The following BMPER variants were observed in gnomAD, a reference collection of about 807,000 sequenced individuals.
BMPER encodes BMP-binding endothelial regulator protein.
BMPER carries 45 observed loss-of-function variants against 87.3 expected under a neutral mutation model. That is an observed-to-expected ratio of 0.52 (90% CI 0.41 to 0.66). The LOEUF (loss-of-function observed/expected upper bound fraction) is 0.66, where lower values mean the gene tolerates loss of function less well. BMPER is among the 30% of genes least tolerant of loss of function. The probability of loss-of-function intolerance (pLI) is 0.00; values close to 1 mark genes in which losing one functional copy is unlikely to be tolerated. For synonymous variants in BMPER, 326 were observed against 316.2 expected (o/e 1.03, Z -0.33); for missense variants, 784 against 867.5 (o/e 0.90, Z 1.21).
At chr7:33,956,141 G>A (rs569725391) in intron 3 of BMPER, among the ~76,000 whole-genome samples, 38 of 152,226 alleles carry the variant, frequency 2.5e-4, no homozygotes, top group African/African-American at 8.2e-4. Flanking sequence ...CGTAGAAAAC[G>A]TATGTAGGAG....
In BMPER at chr7:33,940,630, A is replaced by C. The variant is rs537165904; in HGVS notation, c.319+3242A>C. Reference sequence around the variant, plus strand: ...AGATCAGTGGGTAGCAGAAATTCTGAGACAGCAGTAGCAGCTGCATTTCTG... The same window carrying C: ...AGATCAGTGGGTAGCAGAAATTCTGCGACAGCAGTAGCAGCTGCATTTCTG... On this transcript the variant is annotated intron_variant, in intron 3 of 14. Transcript: ENST00000649409. Among the ~76,000 whole-genome samples, 4 of 152,226 alleles carry C rather than the reference A, an allele frequency of 2.6e-5. No individual in the cohort carries two copies. The East Asian group carries it at 7.7e-4, about 29-fold the overall frequency.
At chr7:34,141,481 G>C (rs137987054) in intron 13 of BMPER, among the ~76,000 whole-genome samples, 1 of 151,804 alleles carries the variant, frequency 6.6e-6, no homozygotes, top group Non-Finnish European at 1.5e-5. Flanking sequence ...CATGGTGGTG[G>C]GCACCTGAAT....
chr7:34,140,195 C>T (rs1432485182), intron 13 of BMPER, among the ~76,000 whole-genome samples: 1 of 152,220 alleles, frequency 6.6e-6, no homozygotes, highest in Non-Finnish European at 1.5e-5. Flanking sequence ...ATCTCTGCCT[C>T]ATAGCCCATT....
intron 6 of BMPER, among the ~76,000 whole-genome samples, chr7:34,035,628 C>A (rs959917678): frequency 6.6e-6 from 1 of 152,146 alleles, no homozygotes; most frequent in Non-Finnish European, 1.5e-5. Flanking sequence ...GGAGCACAAA[C>A]ATTTTTGAGT....
At chr7:34,084,404 G>C (rs1039786229) in intron 12 of BMPER, among the ~76,000 whole-genome samples, 5 of 152,144 alleles carry the variant, frequency 3.3e-5, no homozygotes, top group African/African-American at 1.2e-4. Context: ...GACAGAGAGT[G>C]AATTAGGAGA....
At chr7:34,009,275 A>T (rs531408198) in intron 6 of BMPER, among the ~76,000 whole-genome samples, 2 of 152,092 alleles carry the variant, frequency 1.3e-5, no homozygotes, top group South Asian at 2.1e-4. Flanking sequence ...TTATTATTAT[A>T]CTTTTTCTTG....
At chr7:34,145,088 T>C (rs987682066) in intron 14 of BMPER, among the ~76,000 whole-genome samples, 5 of 152,204 alleles carry the variant, frequency 3.3e-5, no homozygotes, top group Admixed American at 1.3e-4. Context: ...GCCTGTGCCC[T>C]ATGCCCTGAT....
intron 3 of BMPER, among the ~76,000 whole-genome samples, chr7:33,945,371 C>A (rs1236498394): frequency 6.6e-6 from 1 of 151,716 alleles, no homozygotes; most frequent in African/African-American, 2.4e-5. Flanking sequence ...TTGCCTCAGC[C>A]TCCTAAGCAG....
At chr7:33,966,710 T>A in intron 4 of BMPER, 149 bp downstream of exon 4, 1 of 734,140 alleles carries the variant, frequency 1.4e-6, no homozygotes, top group South Asian at 1.5e-5. Context: ...TGTGTGTACT[T>A]ACTGTGTCAC....
At chr7:33,983,839 G>A (rs1345094946) in intron 6 of BMPER, among the ~76,000 whole-genome samples, 1 of 152,096 alleles carries the variant, frequency 6.6e-6, no homozygotes, top group Non-Finnish European at 1.5e-5. Context: ...AGAAATAATG[G>A]TAATGCAAGC....
intron 10 of BMPER, among the ~76,000 whole-genome samples, chr7:34,060,261 A>C (rs1431051407): frequency 6.6e-6 from 1 of 151,476 alleles, no homozygotes; most frequent in Admixed American, 6.6e-5. Flanking sequence ...CGAGATGTGG[A>C]TGTAGGGAAT....
At chr7:34,092,971 A>G (rs542546767) in intron 13 of BMPER, among the ~76,000 whole-genome samples, 5 of 152,212 alleles carry the variant, frequency 3.3e-5, no homozygotes, top group Non-Finnish European at 7.3e-5. Context: ...AGTCAACTGT[A>G]TAGTTAGCCA....
chr7:33,942,149 C>T (rs573620596), intron 3 of BMPER, among the ~76,000 whole-genome samples: 1 of 151,192 alleles, frequency 6.6e-6, no homozygotes, highest in South Asian at 2.1e-4. Flanking sequence ...AATATTGTTT[C>T]CTGTTTGTTT....
intron 10 of BMPER, 61 bp from the exon 11 acceptor site, chr7:34,061,941 G>A: frequency 7.9e-7 from 1 of 1,265,844 alleles, no homozygotes; most frequent in Non-Finnish European, 1.1e-6. Context: ...TTTGTCCTCA[G>A]GAGACCCTGT....
At chr7:34,099,769 A>G (rs2127982276) in intron 13 of BMPER, among the ~76,000 whole-genome samples, 1 of 152,306 alleles carries the variant, frequency 6.6e-6, no homozygotes, top group East Asian at 1.9e-4. Context: ...TTTGCTTTCA[A>G]GGACCACTTA....
intron 7 of BMPER, among the ~76,000 whole-genome samples, chr7:34,051,150 C>CT (rs1788138272): frequency 6.6e-6 from 1 of 152,126 alleles, no homozygotes; most frequent in African/African-American, 2.4e-5. Context: ...TCTGGAGCCT[C>CT]TTTTATAAGG....
chr7:34,129,630 G>GAGAAAGAAAGAAAAGAAAGAA (rs1790516440), intron 13 of BMPER, among the ~76,000 whole-genome samples: 2 of 56,272 alleles, frequency 3.6e-5, no homozygotes, highest in Non-Finnish European at 7.0e-5. Context: ...GAGAGAAAGA[G>GAGAAAGAAAGAAAAGAAAGAA]AGAAAGAAAG....
intron 6 of BMPER, among the ~76,000 whole-genome samples, chr7:33,998,534 C>G (rs1462875331): frequency 2.0e-5 from 3 of 152,220 alleles, no homozygotes; most frequent in Non-Finnish European, 4.4e-5. Context: ...TAGGCACTCT[C>G]AAGTTGAAGA....
chr7:33,910,937 C>G (rs949540065), intron 2 of BMPER, among the ~76,000 whole-genome samples: 8 of 152,166 alleles, frequency 5.3e-5, no homozygotes, highest in Admixed American at 1.3e-4. Flanking sequence ...GTGTTAGGCA[C>G]ATGTTTGAGG....
Sources: gnomAD v4.1 joint callset for allele counts (sites outside exome capture counted in the v4.1 genomes callset) on GRCh38, gnomAD v4.1.1 for gene constraint, MANE v1.5 for transcripts, NCBI Gene and HGNC (gene_info 2026-07-23, HGNC 2026-07-21) for gene names.